The following PAPOLA variants were observed in gnomAD, a reference collection of about 807,000 sequenced individuals.
The protein encoded by PAPOLA is poly(A) polymerase alpha.
PAPOLA carries 15 observed loss-of-function variants against 100.6 expected under a neutral mutation model. That is an observed-to-expected ratio of 0.15 (90% CI 0.10 to 0.23). PAPOLA has a LOEUF of 0.23. Among genes scored for constraint, PAPOLA ranks in the 10% least tolerant of loss-of-function variants. The pLI, the probability that PAPOLA is intolerant of heterozygous loss-of-function variation, is 1.00. For synonymous variants in PAPOLA, 293 were observed against 300.0 expected (o/e 0.98, Z 0.24); for missense variants, 533 against 884.2 (o/e 0.60, Z 5.04).
At chr14:96,520,948 T>A (rs1010413573) in intron 2 of PAPOLA, 58 bp from the exon 3 acceptor site, 3 of 849,466 alleles carry the variant, frequency 3.5e-6, no homozygotes, top group Admixed American at 1.9e-5. Context: ...TTTAAAACTT[T>A]AAGAAATTTA....
chr14:96,525,265 T>C, intron 3 of PAPOLA, 45 bp from the exon 4 acceptor site: 3 of 851,564 alleles, frequency 3.5e-6, no homozygotes, highest in Non-Finnish European at 6.0e-6. Context: ...TTGAATAGTT[T>C]CCCTTGTGCT....
At chr14:96,542,174 C>T in intron 12 of PAPOLA, 69 bp from the exon 13 acceptor site, 1 of 968,976 alleles carries the variant, frequency 1.0e-6, no homozygotes, top group Non-Finnish European at 1.6e-6. Flanking sequence ...AAGCTTATTA[C>T]TTTATGGTTT....
intron 10 of PAPOLA, 120 bp downstream of exon 10, chr14:96,534,683 ACTTT>A (rs1899367124): frequency 1.1e-5 from 17 of 1,527,438 alleles, no homozygotes; most frequent in Non-Finnish European, 1.5e-5. Flanking sequence ...TCCGTATTAC[ACTTT>A]CTTTTAGATA....
Position 96,523,329 on chromosome 14 carries a change from G to A in PAPOLA, c.250-1981G>A, listed in dbSNP as rs934441642. On this transcript the variant is annotated intron_variant, in intron 3 of 21. Transcript: ENST00000216277. ...ATACTAGTCACTAGTCACCAGCCAG[G>A]TATTTAAATAAAAATTAAAATTAAA... 2.0e-5 allele frequency among the ~76,000 whole-genome samples: 3 copies of A among 152,170 alleles called. No homozygotes were observed. The South Asian group carries it at 6.2e-4, about 32-fold the overall frequency.
At chr14:96,530,937 C>T (rs1335303316) in intron 6 of PAPOLA, among the ~76,000 whole-genome samples, 1 of 152,094 alleles carries the variant, frequency 6.6e-6, no homozygotes, top group Non-Finnish European at 1.5e-5. Context: ...GCCTCAGCCT[C>T]CCACAGGTGC....
At chr14:96,547,276 T>C (rs1241064131) in intron 15 of PAPOLA, among the ~76,000 whole-genome samples, 1 of 152,154 alleles carries the variant, frequency 6.6e-6, no homozygotes, top group Non-Finnish European at 1.5e-5. Context: ...TTTATTTAAT[T>C]GTAGCATTTT....
chr14:96,562,654 A>G, intron 20 of PAPOLA, 165 bp from the exon 21 acceptor site: 2 of 479,328 alleles, frequency 4.2e-6, no homozygotes, highest in Non-Finnish European at 7.6e-6. Flanking sequence ...TGGTGAAATA[A>G]CCTACAACAT....
chr14:96,533,516 G>T, intron 9 of PAPOLA: 1 of 962,770 alleles, frequency 1.0e-6, no homozygotes, highest in East Asian at 1.2e-4. Context: ...TTATAATCAG[G>T]TGTGATAAGA....
chr14:96,502,505 T>C lies in PAPOLA; in HGVS notation c.-88T>C, dbSNP rs772420702. On this transcript the variant is annotated 5_prime_UTR_variant, in exon 1 of 22. Coordinates refer to ENST00000216277, the MANE Select transcript of PAPOLA (RefSeq NM_032632.5). ...CCCAGGGCTGAGGCAGGCCCCCCCC[T>C]CCCTCCCGCCTCAGTGGATCATGCC... 3.6e-4 allele frequency: 370 copies of C among 1,017,760 alleles called. No homozygotes were observed. Among genetic ancestry groups the C allele is most frequent in the Non-Finnish European group, 4.7e-4 (324 of 690,648 alleles). The allele number at this position is 1,017,760 out of a possible 1,614,324, so 63.0% of individuals were successfully genotyped here.
chr14:96,542,477 T>C (rs1900070785), intron 13 of PAPOLA, 181 bp downstream of exon 13: 1 of 557,026 alleles, frequency 1.8e-6, no homozygotes, highest in Non-Finnish European at 3.2e-6. Flanking sequence ...ATGCAACTTA[T>C]TTTTTTGTTT....
intron 1 of PAPOLA, among the ~76,000 whole-genome samples, chr14:96,508,422 A>G (rs1216779914): frequency 1.3e-5 from 2 of 152,188 alleles, no homozygotes; most frequent in Admixed American, 6.5e-5. Flanking sequence ...TGCCTTAAAC[A>G]TGTTTTCAGT....
intron 17 of PAPOLA, among the ~76,000 whole-genome samples, chr14:96,555,633 A>T (rs1397022462): frequency 6.6e-6 from 1 of 151,852 alleles, no homozygotes; most frequent in East Asian, 1.9e-4. Flanking sequence ...AGGAAGTAAC[A>T]TTAGACAGTG....
At chr14:96,520,848 AAGCGAGAGAGAGAGCG>A in intron 2 of PAPOLA, 142 bp from the exon 3 acceptor site, 1 of 548,684 alleles carries the variant, frequency 1.8e-6, no homozygotes, top group Non-Finnish European at 3.4e-6. Context: ...GAGAGAGAGA[AAGCGAGAGAGAGAGCG>A]AGCGAGCGTG....
intron 10 of PAPOLA, chr14:96,535,384 A>T (rs1595532626): frequency 1.0e-6 from 1 of 980,584 alleles, no homozygotes; most frequent in East Asian, 1.1e-4. Flanking sequence ...ACAGTATATC[A>T]TTTCATTATC....
At chr14:96,502,826 G>A (rs1896394303) in intron 1 of PAPOLA, 2 of 452,310 alleles carry the variant, frequency 4.4e-6, no homozygotes, top group Admixed American at 4.2e-5. Flanking sequence ...TGGGTCAGCT[G>A]CCGTCGGGCC....
intron 16 of PAPOLA, among the ~76,000 whole-genome samples, chr14:96,550,832 G>A (rs1900792136): frequency 6.6e-6 from 1 of 152,184 alleles, no homozygotes; most frequent in Admixed American, 6.5e-5. Flanking sequence ...ATCTATGAAT[G>A]TTTTGTTTGG....
At position 96,502,491 on chromosome 14, in the gene PAPOLA, G is replaced by C. The variant is rs751220284; in HGVS notation, c.-102G>C. The C allele has an allele frequency of 3.2e-6, 3 of 926,292 alleles. No homozygotes were observed. Among genetic ancestry groups the C allele is most frequent in the Non-Finnish European group, 3.3e-6 (2 of 598,568 alleles). 57.4% of individuals were successfully genotyped at this position (926,292 alleles called of 1,614,324 possible). A position where few individuals can be genotyped will look rare whatever the true frequency, so the allele number is the denominator to read the frequency against. On this transcript the variant is annotated 5_prime_UTR_variant, in exon 1 of 22. Coordinates refer to ENST00000216277, the MANE Select transcript of PAPOLA (RefSeq NM_032632.5). The stretch of plus-strand genomic sequence containing the variant: ...GGAGAGGGGTTGGACCCAGGGCTGA[G>C]GCAGGCCCCCCCCTCCCTCCCGCCT...
chr14:96,503,875 C>A (rs1320651017), intron 1 of PAPOLA, among the ~76,000 whole-genome samples: 2 of 152,138 alleles, frequency 1.3e-5, no homozygotes, highest in Non-Finnish European at 2.9e-5. Context: ...TTAATGACTT[C>A]TATCGCAATT....
intron 16 of PAPOLA, among the ~76,000 whole-genome samples, chr14:96,550,124 G>C (rs918994778): frequency 2.0e-5 from 3 of 152,196 alleles, no homozygotes; most frequent in Non-Finnish European, 4.4e-5. Context: ...ACTTCAGTCT[G>C]AGTGACAGAA....
Sources: allele counts gnomAD v4.1 joint callset (sites outside exome capture counted in the v4.1 genomes callset), GRCh38; gene constraint gnomAD v4.1.1; transcripts MANE v1.5; gene names NCBI Gene and HGNC (gene_info 2026-07-23, HGNC 2026-07-21).